Variants in UNC79 observed in about 807,000 individuals in gnomAD.
The protein encoded by UNC79 is protein unc-79 homolog.
Under a neutral mutation model 283.1 loss-of-function variants are expected in UNC79, and 37 were observed. The ratio of observed to expected loss-of-function variants is 0.13; its 90% CI spans 0.10 to 0.17. The LOEUF (loss-of-function observed/expected upper bound fraction) is 0.17, where lower values mean the gene tolerates loss of function less well. Among genes scored for constraint, UNC79 ranks in the 10% least tolerant of loss-of-function variants. The probability of loss-of-function intolerance (pLI) is 1.00; values close to 1 mark genes in which losing one functional copy is unlikely to be tolerated. For synonymous variants in UNC79, 1,107 were observed against 1,200.2 expected, an observed-to-expected ratio of 0.92 and a Z score of 1.61; for missense variants, 2,272 against 3,211.1, an observed-to-expected ratio of 0.71 and a Z score of 7.07.
chr14:93,497,376 T>C, intron 7 of UNC79, 90 bp downstream of exon 7: 1 of 1,432,738 alleles, frequency 7.0e-7, no homozygotes, highest in Non-Finnish European at 9.2e-7. Context: ...TTTATCTTGC[T>C]GGATTATATT....
chr14:93,446,077 A>T (rs891541135), intron 1 of UNC79, among the ~76,000 whole-genome samples: 3 of 152,028 alleles, frequency 2.0e-5, no homozygotes, highest in Non-Finnish European at 2.9e-5. Context: ...TTTGGTTTCA[A>T]TGATTTTCTC....
At chr14:93,404,486 TA>T (rs34406486) in intron 1 of UNC79, among the ~76,000 whole-genome samples, 3,333 of 53,072 alleles carry the variant, frequency 0.063, 523 homozygotes, top group East Asian at 0.37. Context: ...TGAGACCTTC[TA>T]AAAAAAATAT....
chr14:93,537,431 T>C (rs982053180), intron 11 of UNC79, among the ~76,000 whole-genome samples: 1 of 152,252 alleles, frequency 6.6e-6, no homozygotes, highest in Non-Finnish European at 1.5e-5. Flanking sequence ...CTTGAGGCCA[T>C]CACTTTGGCA....
intron 47 of UNC79, among the ~76,000 whole-genome samples, chr14:93,696,298 T>C (rs1186650664): frequency 6.6e-6 from 1 of 152,220 alleles, no homozygotes; most frequent in South Asian, 2.1e-4. Flanking sequence ...TGTGTACATA[T>C]ATGTTTTCAT....
chr14:93,348,979 A>G (rs1220769131), intron 1 of UNC79, among the ~76,000 whole-genome samples: 1 of 152,248 alleles, frequency 6.6e-6, no homozygotes, highest in East Asian at 1.9e-4. Context: ...CGCTCTTCGC[A>G]ATAAATCTTG....
intron 14 of UNC79, among the ~76,000 whole-genome samples, chr14:93,556,021 G>C (rs2062154424): frequency 6.6e-6 from 1 of 152,168 alleles, no homozygotes. Context: ...TTAGGGCCTA[G>C]TAGGTGGGCA....
intron 30 of UNC79, among the ~76,000 whole-genome samples, chr14:93,625,471 G>A (rs1012543712): frequency 1.3e-5 from 2 of 151,854 alleles, no homozygotes; most frequent in African/African-American, 2.4e-5. Flanking sequence ...CTGACACTTG[G>A]TTTCCTTGAA....
chr14:93,530,863 C>T (rs1260216490), intron 10 of UNC79, among the ~76,000 whole-genome samples: 18 of 152,230 alleles, frequency 1.2e-4, no homozygotes, highest in Admixed American at 9.2e-4. Flanking sequence ...GAGCCGAGAT[C>T]GCCCCACTGC....
intron 1 of UNC79, among the ~76,000 whole-genome samples, chr14:93,336,891 C>T (rs976559741): frequency 6.6e-6 from 1 of 151,928 alleles, no homozygotes; most frequent in African/African-American, 2.4e-5. Context: ...GGAAGTGGGA[C>T]CTGGTGGGAG....
chr14:93,389,889 G>T (rs947535008), intron 1 of UNC79, among the ~76,000 whole-genome samples: 1 of 152,192 alleles, frequency 6.6e-6, no homozygotes, highest in Admixed American at 6.5e-5. Flanking sequence ...CTGACCTCAG[G>T]TGATCTGCCC....
At chr14:93,649,067 G>A (rs2069950153) in intron 35 of UNC79, among the ~76,000 whole-genome samples, 1 of 152,116 alleles carries the variant, frequency 6.6e-6, no homozygotes, top group Non-Finnish European at 1.5e-5. Flanking sequence ...TGGCCACATT[G>A]ATCTCTCTGC....
chr14:93,501,061 A>G (rs2059258306), intron 7 of UNC79, among the ~76,000 whole-genome samples: 1 of 152,236 alleles, frequency 6.6e-6, no homozygotes, highest in African/African-American at 2.4e-5. Context: ...GTGGTGGCTC[A>G]TGCCTATAAT....
exon 34 of UNC79, chr14:93,643,635 C>T: frequency 6.2e-7 from 1 of 1,613,560 alleles, no homozygotes; most frequent in Non-Finnish European, 8.5e-7. Context: ...TCTCCACATT[C>T]ATTCACTTAA....
intron 2 of UNC79, among the ~76,000 whole-genome samples, chr14:93,468,742 A>G (rs1437424515): frequency 6.6e-6 from 1 of 152,170 alleles, no homozygotes; most frequent in Non-Finnish European, 1.5e-5. Flanking sequence ...CAGTCCTCCT[A>G]TCTTTCTGTT....
intron 1 of UNC79, among the ~76,000 whole-genome samples, chr14:93,335,555 A>G (rs942813838): frequency 2.6e-4 from 39 of 152,352 alleles, no homozygotes; most frequent in Non-Finnish European, 2.6e-4. Context: ...ATAGATCTGG[A>G]TGGCCATATG....
chr14:93,562,048 A>G (rs544193394), intron 14 of UNC79, among the ~76,000 whole-genome samples: 5 of 152,334 alleles, frequency 3.3e-5, no homozygotes, highest in African/African-American at 1.2e-4. Flanking sequence ...GTTCTTCAGA[A>G]ATGCAAGTGA....
At chr14:93,610,525 C>T (rs556087398) in intron 26 of UNC79, among the ~76,000 whole-genome samples, 3 of 152,246 alleles carry the variant, frequency 2.0e-5, no homozygotes, top group Non-Finnish European at 4.4e-5. Flanking sequence ...CCAAACATGT[C>T]CAAAGCAATA....
At position 93,621,778 on chromosome 14, in the gene UNC79, C is replaced by T. The variant is rs755708144; in HGVS notation, c.4545C>T (p.Asp1515=). 123 of 1,613,766 alleles carry T rather than the reference C, an allele frequency of 7.6e-5. 1 individual carries two copies. In the Admixed American group the frequency reaches 1.0e-3, roughly 14 times the overall value. Reference sequence around the variant, plus strand: ...CAGACTCGCTTTTGTTTACATTAGACGAACATCGTAGGAAGTCGTGCATAG... The same window carrying T: ...CAGACTCGCTTTTGTTTACATTAGATGAACATCGTAGGAAGTCGTGCATAG... Residue 1515 remains aspartate, a synonymous_variant, in exon 30 of 49, where the codon GAC becomes GAT. Transcript: ENST00000555664. This position sits in a 1 kb window ranked among gnomAD's most constrained non-coding sequence, Gnocchi z 4.8.
intron 5 of UNC79, among the ~76,000 whole-genome samples, chr14:93,493,890 TATATA>T (rs1291076396): frequency 4.1e-4 from 29 of 70,834 alleles, no homozygotes; most frequent in Non-Finnish European, 5.6e-4. Context: ...TATATATATA[TATATA>T]TATATATTTT....
Sources: gnomAD v4.1 joint callset for allele counts (sites outside exome capture counted in the v4.1 genomes callset) on GRCh38, gnomAD v4.1.1 for gene constraint, Gnocchi (gnomAD v3.1) non-coding constraint, MANE v1.5 for transcripts, NCBI Gene and HGNC (gene_info 2026-07-23, HGNC 2026-07-21) for gene names.